ZFHX3: variants seen among roughly 807,000 people sequenced by gnomAD.
ZFHX3 encodes the protein zinc finger homeobox 3.
ZFHX3 carries 42 observed loss-of-function variants against 279.1 expected under a neutral mutation model. That is an observed-to-expected ratio of 0.15 (90% CI 0.12 to 0.19). The LOEUF (loss-of-function observed/expected upper bound fraction) is 0.19. Among genes scored for constraint, ZFHX3 ranks in the 10% least tolerant of loss-of-function variants. The pLI, the probability that ZFHX3 is intolerant of heterozygous loss-of-function variation, is 1.00. For missense variants in ZFHX3, 4,981 were observed against 4,754.0 expected (o/e 1.05, Z -1.40); for synonymous variants, 2,293 against 1,957.8 (o/e 1.17, Z -4.52).
chr16:73,519,239 T>TA lies in ZFHX3; in HGVS notation c.-1546-62982dup, dbSNP rs200977063. ...AAATCAGAAGACAGAAATTTTCCAT[T>TA]AAAAAAAAAGATATTTTCTACATTA... On this transcript the variant is annotated intron_variant, in intron 2 of 17. Transcript: ENST00000641206. 1.9e-4 allele frequency among the ~76,000 whole-genome samples: 29 copies of TA among 151,054 alleles called. No individual in the cohort carries two copies. The East Asian group carries it at 3.9e-3, about 20-fold the overall frequency.
chr16:73,784,791 A>AT (rs1567409661), intron 1 of ZFHX3, among the ~76,000 whole-genome samples: 4 of 114,492 alleles, frequency 3.5e-5, no homozygotes, highest in South Asian at 5.4e-4. Context: ...CAAAATAAAA[A>AT]AAAAAATATA....
chr16:73,837,261 T>C (rs1961167805), intron 1 of ZFHX3, among the ~76,000 whole-genome samples: 1 of 152,230 alleles, frequency 6.6e-6, no homozygotes, highest in African/African-American at 2.4e-5. Flanking sequence ...GGAATGGTTG[T>C]TTGATCAAAC....
At chr16:72,855,891 C>T (rs1035894360) in intron 4 of ZFHX3, among the ~76,000 whole-genome samples, 2 of 152,160 alleles carry the variant, frequency 1.3e-5, no homozygotes, top group Non-Finnish European at 2.9e-5. Flanking sequence ...CAAGAAACGC[C>T]AACTGCCACC....
chr16:73,808,853 G>A (rs1478321008), intron 1 of ZFHX3, among the ~76,000 whole-genome samples: 1 of 152,160 alleles, frequency 6.6e-6, no homozygotes, highest in Non-Finnish European at 1.5e-5. Flanking sequence ...AGCATTCTGA[G>A]CAGCCTTAGG....
At chr16:73,176,048 T>G (rs539382101) in intron 5 of ZFHX3, among the ~76,000 whole-genome samples, 8 of 152,328 alleles carry the variant, frequency 5.3e-5, no homozygotes, top group Admixed American at 1.3e-4. Context: ...CCAATTCTCC[T>G]CTCCAAATCC....
At chr16:73,761,057 G>T (rs1278631246) in intron 1 of ZFHX3, among the ~76,000 whole-genome samples, 3 of 151,738 alleles carry the variant, frequency 2.0e-5, no homozygotes, top group Non-Finnish European at 4.4e-5. Flanking sequence ...CATGTTTGCA[G>T]ATGACATGAT....
At chr16:72,927,488 G>A (rs891060047) in intron 3 of ZFHX3, among the ~76,000 whole-genome samples, 21 of 152,328 alleles carry the variant, frequency 1.4e-4, no homozygotes, top group African/African-American at 5.1e-4. Flanking sequence ...TGCAGGTGAT[G>A]GGGGAAGTGA....
At chr16:72,906,014 G>A (rs879702636) in intron 3 of ZFHX3, among the ~76,000 whole-genome samples, 2 of 151,890 alleles carry the variant, frequency 1.3e-5, no homozygotes, top group Non-Finnish European at 2.9e-5. Context: ...TCTCTACATG[G>A]GGTCAGAGTT....
chr16:72,795,423 T>A lies in ZFHX3; in HGVS notation c.7259A>T (p.Asn2420Ile), dbSNP rs1407204337. The change falls in exon 9 of 10, where the codon AAT (asparagine) becomes ATT (isoleucine). Residue 2420 changes from asparagine (N) to isoleucine (I), a missense_variant. By Grantham distance (149) the Asn-to-Ile change is moderately radical. Coordinates refer to ENST00000268489, the MANE Select transcript of ZFHX3 (RefSeq NM_006885.4). ...CTCATCGCCTGCCTCTGTTTTTGAA[T>A]TGAAGGTGGCCAGTTCCTCAGCCTC... ...TAEAEELATF[N>I]SKTEAGDEKP... 10 of 1,613,976 alleles carry A rather than the reference T, an allele frequency of 6.2e-6. No individual in the cohort carries two copies. Among genetic ancestry groups the A allele is most frequent in the Non-Finnish European group, 8.5e-6 (10 of 1,180,024 alleles).
chr16:73,528,113 C>A (rs764092834), intron 2 of ZFHX3, among the ~76,000 whole-genome samples: 8 of 152,160 alleles, frequency 5.3e-5, no homozygotes, highest in Non-Finnish European at 8.8e-5. Flanking sequence ...TGGGAGCGGC[C>A]TCCTGGAGAG....
intron 3 of ZFHX3, among the ~76,000 whole-genome samples, chr16:72,898,008 A>C (rs950852054): frequency 2.0e-5 from 3 of 152,342 alleles, no homozygotes; most frequent in African/African-American, 4.8e-5. Context: ...TTAAAAAGAA[A>C]ATCCTTCCAG....
intron 5 of ZFHX3, among the ~76,000 whole-genome samples, chr16:73,254,282 G>A (rs1294186510): frequency 3.3e-5 from 5 of 152,064 alleles, no homozygotes; most frequent in African/African-American, 9.7e-5. Context: ...TTGGACTTGT[G>A]TAGCAGGTTG....
intron 7 of ZFHX3, among the ~76,000 whole-genome samples, chr16:73,117,493 A>T (rs1379725844): frequency 6.6e-6 from 1 of 152,236 alleles, no homozygotes; most frequent in Non-Finnish European, 1.5e-5. Flanking sequence ...TGATCAAACA[A>T]AACCTCTGAC....
chr16:73,202,694 C>G lies in ZFHX3; in HGVS notation c.-1104+54353G>C, dbSNP rs554322360. On this transcript the variant is annotated intron_variant, in intron 5 of 17. Coordinates refer to the ZFHX3 transcript ENST00000641206. Reference sequence around the variant, plus strand: ...TACCCTCTGCTCCAGCCACACTCCACTGCTCGTTGGCCTTCTTTCATGTGA... The same window carrying G: ...TACCCTCTGCTCCAGCCACACTCCAGTGCTCGTTGGCCTTCTTTCATGTGA... Among the ~76,000 whole-genome samples the G allele has an allele frequency of 4.6e-5, 7 of 152,308 alleles. No homozygotes were observed. In the East Asian group the frequency reaches 1.4e-3, roughly 29 times the overall value.
At chr16:73,555,901 G>C (rs2020274903) in intron 2 of ZFHX3, among the ~76,000 whole-genome samples, 1 of 152,094 alleles carries the variant, frequency 6.6e-6, no homozygotes. Flanking sequence ...TATGGGAGGG[G>C]GCCCAAAGCC....
chr16:73,498,921 T>C (rs954640288), intron 2 of ZFHX3, among the ~76,000 whole-genome samples: 7 of 152,050 alleles, frequency 4.6e-5, no homozygotes, highest in Non-Finnish European at 1.0e-4. Context: ...TGGACTTGGA[T>C]GGTGCTGGAA....
At chr16:73,042,815 C>A (rs1329466713) in intron 1 of ZFHX3, among the ~76,000 whole-genome samples, 2 of 152,106 alleles carry the variant, frequency 1.3e-5, no homozygotes, top group Non-Finnish European at 2.9e-5. Context: ...AGTCTCCCTG[C>A]AGATGACTGA....
chr16:73,762,306 T>C (rs1257140662), intron 1 of ZFHX3, among the ~76,000 whole-genome samples: 2 of 152,174 alleles, frequency 1.3e-5, no homozygotes, highest in African/African-American at 4.8e-5. Flanking sequence ...CCAGTCAGAA[T>C]GGCGATTATT....
At chr16:73,240,673 T>G (rs1432390943) in intron 5 of ZFHX3, among the ~76,000 whole-genome samples, 1 of 152,172 alleles carries the variant, frequency 6.6e-6, no homozygotes, top group South Asian at 2.1e-4. Flanking sequence ...TTGGGCGACT[T>G]GATGTTTTCA....
Sources: gnomAD v4.1 joint callset for allele counts (sites outside exome capture counted in the v4.1 genomes callset) on GRCh38, gnomAD v4.1.1 for gene constraint, MANE v1.5 for transcripts, NCBI Gene and HGNC (gene_info 2026-07-23, HGNC 2026-07-21) for gene names.